Variants in TMEM132D observed in about 807,000 individuals in gnomAD.
TMEM132D encodes the protein mature OL transmembrane protein.
TMEM132D carries 21 observed loss-of-function variants against 62.3 expected under a neutral mutation model. That is an observed-to-expected ratio of 0.34 (90% CI 0.24 to 0.49). TMEM132D has a LOEUF of 0.49. Ranked by LOEUF, TMEM132D falls within the 20% of genes least tolerant of loss-of-function variation. The pLI, the probability that TMEM132D is intolerant of heterozygous loss-of-function variation, is 0.99. For missense variants in TMEM132D, 1,346 were observed against 1,402.8 expected, an observed-to-expected ratio of 0.96 and a Z score of 0.65; for synonymous variants, 621 against 575.6, an observed-to-expected ratio of 1.08 and a Z score of -1.13.
At chr12:129,359,869 T>C (rs892619749) in intron 3 of TMEM132D, among the ~76,000 whole-genome samples, 3 of 151,836 alleles carry the variant, frequency 2.0e-5, no homozygotes, top group African/African-American at 7.3e-5. Context: ...GGAATAAAAA[T>C]TGCCATAAGG....
chr12:129,365,862 G>T (rs555465973), intron 3 of TMEM132D, among the ~76,000 whole-genome samples: 2 of 151,838 alleles, frequency 1.3e-5, no homozygotes, highest in Non-Finnish European at 2.9e-5. Flanking sequence ...CGTGCCGCAG[G>T]GGGGCAGCCC....
intron 3 of TMEM132D, among the ~76,000 whole-genome samples, chr12:129,369,067 C>T (rs1446228440): frequency 6.6e-6 from 1 of 152,160 alleles, no homozygotes; most frequent in Non-Finnish European, 1.5e-5. Flanking sequence ...CAAGGAGTAG[C>T]TACCTTCATC....
rs1427662586 is a variant in TMEM132D at position 129,828,701 on chromosome 12, GAGGGAGAAGGA to G, written c.79+74549_79+74559del. Among the ~76,000 whole-genome samples, 99 of 34,430 alleles carry G rather than the reference GAGGGAGAAGGA, an allele frequency of 2.9e-3. 1 individual carries two copies. The highest frequency in any genetic ancestry group is 4.0e-3 in the Non-Finnish European group (58 of 14,502). The allele number at this position is 34,430 out of a possible 152,430, so 22.6% of individuals were successfully genotyped here. On this transcript the variant is annotated intron_variant, in intron 1 of 8. Coordinates refer to ENST00000422113, the MANE Select transcript of TMEM132D (RefSeq NM_133448.3). ...GAAGGGAGGAAGGAAGGGAGGGAGG[GAGGGAGAAGGA>G]AGGGAGGAAAGGAGGGAGGGAGGAA...
At chr12:129,554,911 T>A (rs1877011360) in intron 2 of TMEM132D, among the ~76,000 whole-genome samples, 1 of 152,174 alleles carries the variant, frequency 6.6e-6, no homozygotes, top group African/African-American at 2.4e-5. Context: ...TCTCCTTTGG[T>A]GACTTCTCCC....
intron 1 of TMEM132D, among the ~76,000 whole-genome samples, chr12:129,776,851 T>C (rs955408711): frequency 6.7e-6 from 1 of 148,178 alleles, no homozygotes; most frequent in African/African-American, 2.5e-5. Context: ...AAAAAAGACA[T>C]CTTTTATCAC....
chr12:129,807,300 C>T lies in TMEM132D; in HGVS notation c.79+95961G>A, dbSNP rs111780606. On this transcript the variant is annotated intron_variant, in intron 1 of 8. Coordinates refer to ENST00000422113, the MANE Select transcript of TMEM132D (RefSeq NM_133448.3). ...GTGCCTTGCTTCTGACCTCCAGCTG[C>T]GCCTGCGTTCTGTTACCGGCCTGGC... Among the ~76,000 whole-genome samples the T allele has an allele frequency of 5.9e-3, 892 of 152,224 alleles. 10 individuals carry two copies. Among genetic ancestry groups the T allele is most frequent in the African/African-American group, 0.02 (842 of 41,536 alleles).
intron 3 of TMEM132D, among the ~76,000 whole-genome samples, chr12:129,414,571 C>T (rs887332844): frequency 6.6e-6 from 1 of 152,222 alleles, no homozygotes; most frequent in Non-Finnish European, 1.5e-5. Flanking sequence ...TGCTGATAGA[C>T]ACATATGTTG....
intron 2 of TMEM132D, among the ~76,000 whole-genome samples, chr12:129,567,562 T>A (rs926136429): frequency 6.6e-6 from 1 of 151,946 alleles, no homozygotes; most frequent in Admixed American, 6.6e-5. Flanking sequence ...TGCTACAGAG[T>A]GGATGCAAAA....
intron 5 of TMEM132D, among the ~76,000 whole-genome samples, chr12:129,191,497 A>C (rs1878400418): frequency 6.8e-6 from 1 of 146,326 alleles, no homozygotes. Context: ...TATGAAAATA[A>C]AATATACATA....
chr12:129,436,058 C>G (rs977619867), intron 3 of TMEM132D, among the ~76,000 whole-genome samples: 1 of 152,144 alleles, frequency 6.6e-6, no homozygotes, highest in East Asian at 1.9e-4. Context: ...CTTCAGTCTT[C>G]CCCTTTCTTC....
chr12:129,173,019 G>A (rs1552420), intron 5 of TMEM132D, among the ~76,000 whole-genome samples: 27,891 of 152,022 alleles, frequency 0.18, 2,675 homozygotes, highest in South Asian at 0.26. Context: ...GGATTTGTGG[G>A]GCCCTAAAGC....
At chr12:129,686,279 G>A (rs993109416) in intron 2 of TMEM132D, among the ~76,000 whole-genome samples, 10 of 152,084 alleles carry the variant, frequency 6.6e-5, no homozygotes, top group Admixed American at 3.3e-4. Flanking sequence ...AGAGGGACCC[G>A]GTGGGAGTAA....
intron 3 of TMEM132D, among the ~76,000 whole-genome samples, chr12:129,454,124 T>C (rs1258065368): frequency 1.3e-5 from 2 of 152,210 alleles, no homozygotes; most frequent in Non-Finnish European, 2.9e-5. Flanking sequence ...TCTTTGAGGT[T>C]AGCTTTTGTG....
chr12:129,438,920 T>C (rs1246823664), intron 3 of TMEM132D, among the ~76,000 whole-genome samples: 1 of 152,198 alleles, frequency 6.6e-6, no homozygotes, highest in Admixed American at 6.5e-5. Flanking sequence ...CCATGTACAA[T>C]AGGACACATG....
chr12:129,736,607 A>T (rs1165890237), intron 1 of TMEM132D, among the ~76,000 whole-genome samples: 1 of 38,286 alleles, frequency 2.6e-5, no homozygotes, highest in Non-Finnish European at 5.3e-5. Context: ...ATGATGTTTT[A>T]TAGTATTGAA....
intron 5 of TMEM132D, among the ~76,000 whole-genome samples, chr12:129,086,926 A>G (rs1356360235): frequency 1.3e-5 from 2 of 152,108 alleles, no homozygotes; most frequent in Non-Finnish European, 2.9e-5. Flanking sequence ...AGAATTCTCC[A>G]TACTGTTTTC....
chr12:129,572,047 C>T lies in TMEM132D; in HGVS notation c.969-40842G>A, dbSNP rs114085883. On this transcript the variant is annotated intron_variant, in intron 2 of 8. Coordinates refer to ENST00000422113, the MANE Select transcript of TMEM132D (RefSeq NM_133448.3). ...AGGTGACCTCATCCGCAGGTACTCA[C>T]CCTGCAGGAACTCAGGATGACAGAC... Among the ~76,000 whole-genome samples, 1,113 of 152,278 alleles carry T rather than the reference C, an allele frequency of 7.3e-3. 13 individuals are homozygous for T. The highest frequency in any genetic ancestry group is 0.026 in the African/African-American group (1,069 of 41,556).
At chr12:129,731,418 G>T (rs1303157641) in intron 1 of TMEM132D, among the ~76,000 whole-genome samples, 2 of 152,138 alleles carry the variant, frequency 1.3e-5, no homozygotes. Flanking sequence ...GGGGGAAGAG[G>T]ATGCTATTTT....
At chr12:129,835,777 G>A (rs1352289089) in intron 1 of TMEM132D, among the ~76,000 whole-genome samples, 2 of 152,172 alleles carry the variant, frequency 1.3e-5, no homozygotes, top group Admixed American at 6.5e-5. Flanking sequence ...TTGCAGGGAT[G>A]AGTCCCTGGG....
Sources: allele counts gnomAD v4.1 joint callset (sites outside exome capture counted in the v4.1 genomes callset), GRCh38; gene constraint gnomAD v4.1.1; transcripts MANE v1.5; gene names NCBI Gene and HGNC (gene_info 2026-07-23, HGNC 2026-07-21).